SARDH: variants seen among roughly 807,000 people sequenced by gnomAD.
The protein encoded by SARDH is sarcosine dehydrogenase.
In SARDH, 95 loss-of-function variants were observed where a neutral mutation model predicts 109.1. The observed-to-expected ratio is 0.87, with a 90% CI of 0.74 to 1.03. The LOEUF is 1.03. Among genes scored for constraint, SARDH ranks in the 50% least tolerant of loss-of-function variants. SARDH has a pLI of 0.00. For synonymous variants in SARDH, 572 were observed against 534.8 expected, an observed-to-expected ratio of 1.07 and a Z score of -0.96; for missense variants, 1,267 against 1,287.8, an observed-to-expected ratio of 0.98 and a Z score of 0.25.
Position 133,696,377 on chromosome 9 carries a change from C to A in SARDH, c.1669-16G>T. 6.2e-7 allele frequency: 1 copy of A among 1,613,864 alleles called. No individual in the cohort carries two copies. Among genetic ancestry groups the A allele is most frequent in the East Asian group, 2.2e-5 (1 of 44,880 alleles). On this transcript the variant is annotated splice_polypyrimidine_tract_variant and intron_variant, in intron 13 of 20. Coordinates refer to ENST00000439388, the MANE Select transcript of SARDH (RefSeq NM_001134707.2). ...CCTTCTTGATCTGAAAAGTTCCAGA[C>A]AGGTGGGAATGCCACGGGGGCCTTT...
Position 133,712,748 on chromosome 9 carries a change from C to T in SARDH, c.1238-39G>A, listed in dbSNP as rs752990662. On this transcript the variant is annotated intron_variant, in intron 9 of 20. Coordinates refer to ENST00000439388, the MANE Select transcript of SARDH (RefSeq NM_001134707.2). This position sits in a 1 kb window ranked among gnomAD's most constrained non-coding sequence, Gnocchi z 4.1. ...AAGCGCAGGGCTGCGGTCTGCCCCC[C>T]AGGGTCCCCCACCCATGTCCAAACA... 1 of 1,580,566 alleles carries T rather than the reference C, an allele frequency of 6.3e-7. No homozygotes were observed. Among genetic ancestry groups the T allele is most frequent in the Non-Finnish European group, 8.6e-7 (1 of 1,161,486 alleles).
Position 133,712,528 on chromosome 9 carries a change from C to A in SARDH, c.1328+91G>T. 2 of 1,188,630 alleles carry A rather than the reference C, an allele frequency of 1.7e-6. No individual in the cohort carries two copies. The highest frequency in any genetic ancestry group is 2.4e-6 in the Non-Finnish European group (2 of 822,630). 73.6% of individuals were successfully genotyped at this position (1,188,630 alleles called of 1,614,324 possible). A position where few individuals can be genotyped will look rare whatever the true frequency, so the allele number is the denominator to read the frequency against. The stretch of plus-strand genomic sequence containing the variant: ...TCCAGGAAGCCACCTGGATTTCAGG[C>A]AAGGCTCCTTTCTCAGTAGCCCTCG... On this transcript the variant is annotated intron_variant, in intron 10 of 20. Coordinates refer to ENST00000439388, the MANE Select transcript of SARDH (RefSeq NM_001134707.2). This position sits in a 1 kb window ranked among gnomAD's most constrained non-coding sequence, Gnocchi z 4.1.
At chr9:133,708,131 A>T (rs988262206) in intron 11 of SARDH, among the ~76,000 whole-genome samples, 156 bp downstream of exon 11, 3 of 152,058 alleles carry the variant, frequency 2.0e-5, no homozygotes, top group Admixed American at 6.5e-5. Context: ...TGCCCAACAC[A>T]TGGGGGTGCC....
rs1302032076 is a variant in SARDH, at chr9:133,666,278, G to T, written c.2631+457C>A. 6.6e-6 allele frequency among the ~76,000 whole-genome samples: 1 copy of T among 152,154 alleles called. No homozygotes were observed. The highest frequency in any genetic ancestry group is 1.5e-5 in the Non-Finnish European group (1 of 68,010). ...GGCCACCCCTGCACCCCAGGCAAAG[G>T]GTGGGCTGTGGGTGGCCTGAGGTTT... On this transcript the variant is annotated intron_variant, in intron 20 of 20. Transcript: ENST00000439388. The surrounding 1 kb of genome is among the most constrained non-coding windows in gnomAD (Gnocchi z 5.2).
downstream of SARDH, among the ~76,000 whole-genome samples, chr9:133,661,723 C>T (rs1020279450): frequency 6.6e-6 from 1 of 152,116 alleles, no homozygotes; most frequent in African/African-American, 2.4e-5. Context: ...TCAGGTGATC[C>T]GCCCCCCTCG....
At chr9:133,665,326 C>T (rs1830025403) in intron 20 of SARDH, among the ~76,000 whole-genome samples, 1 of 152,236 alleles carries the variant, frequency 6.6e-6, no homozygotes, top group African/African-American at 2.4e-5. Context: ...CCCAGCCCAC[C>T]CTGGCATGGA....
chr9:133,685,643 GTCCACAA>G (rs1441776364), intron 16 of SARDH, among the ~76,000 whole-genome samples: 1 of 152,120 alleles, frequency 6.6e-6, no homozygotes, highest in Non-Finnish European at 1.5e-5. Flanking sequence ...TCTGGACCAG[GTCCACAA>G]TCCACAATCC....
In SARDH at chr9:133,666,592, C is replaced by T; in HGVS notation, c.2631+143G>A. On this transcript the variant is annotated intron_variant, in intron 20 of 20. Transcript: ENST00000439388. This position sits in a 1 kb window ranked among gnomAD's most constrained non-coding sequence, Gnocchi z 5.2. Reference sequence around the variant, plus strand: ...TTCCTCCCCCTCTTCCCTCCTCCCTCCTTTCTCTTCCCTCCTCCTCTTCTG... The same window carrying T: ...TTCCTCCCCCTCTTCCCTCCTCCCTTCTTTCTCTTCCCTCCTCCTCTTCTG... 1 of 1,115,620 alleles carries T rather than the reference C, an allele frequency of 9.0e-7. No individual in the cohort carries two copies. The highest frequency in any genetic ancestry group is 1.3e-6 in the Non-Finnish European group (1 of 798,716). 69.1% of individuals were successfully genotyped at this position (1,115,620 alleles called of 1,614,324 possible).
At chr9:133,688,012 C>T (rs1404945335) in intron 16 of SARDH, among the ~76,000 whole-genome samples, 1 of 152,158 alleles carries the variant, frequency 6.6e-6, no homozygotes, top group Non-Finnish European at 1.5e-5. Context: ...CGGGCCGCAC[C>T]TTGATCGGTC....
At position 133,704,471 on chromosome 9, in the gene SARDH, G is replaced by A. The variant is rs936194987; in HGVS notation, c.1554+477C>T. Among the ~76,000 whole-genome samples, 2 of 152,216 alleles carry A rather than the reference G, an allele frequency of 1.3e-5. No homozygotes were observed. The highest frequency in any genetic ancestry group is 4.8e-5 in the African/African-American group (2 of 41,450). On this transcript the variant is annotated intron_variant, in intron 12 of 20. Coordinates refer to ENST00000439388, the MANE Select transcript of SARDH (RefSeq NM_001134707.2). The surrounding 1 kb of genome is among the most constrained non-coding windows in gnomAD (Gnocchi z 4.5). The stretch of plus-strand genomic sequence containing the variant: ...TCCCCAGAGGACGCCCAGAGTCCAG[G>A]CCACTGTGAAACCTCCACTGGGAAA...
At chr9:133,698,334 A>G (rs1380808007) in intron 13 of SARDH, among the ~76,000 whole-genome samples, 1 of 152,236 alleles carries the variant, frequency 6.6e-6, no homozygotes, top group African/African-American at 2.4e-5. Context: ...TGTTGAAATG[A>G]CAAGATACCC....
chr9:133,735,535 G>A (rs1258593587), intron 1 of SARDH, among the ~76,000 whole-genome samples: 1 of 152,200 alleles, frequency 6.6e-6, no homozygotes. Flanking sequence ...ACCATGTCCT[G>A]GGGACGCAGC....
At chr9:133,685,505 C>T (rs551822717) in intron 16 of SARDH, among the ~76,000 whole-genome samples, 1 of 152,310 alleles carries the variant, frequency 6.6e-6, no homozygotes, top group East Asian at 1.9e-4. Flanking sequence ...CTAGCAGGAC[C>T]CCTGGGGGAG....
chr9:133,703,183 AG>A, intron 12 of SARDH, 154 bp from the exon 13 acceptor site: 2 of 670,362 alleles, frequency 3.0e-6, no homozygotes, highest in Non-Finnish European at 5.2e-6. Flanking sequence ...GGACGCGGGC[AG>A]GGGGCCCCCA....
intron 6 of SARDH, among the ~76,000 whole-genome samples, chr9:133,729,025 T>C (rs1473226615): frequency 1.3e-5 from 1 of 79,144 alleles, no homozygotes; most frequent in Non-Finnish European, 2.5e-5. Flanking sequence ...AGGGAAAGAG[T>C]GGAGGGAGGA....
chr9:133,704,924 C>T lies in SARDH; in HGVS notation c.1554+24G>A. Reference sequence around the variant, plus strand: ...TTGTCAGGGCAGGGCCTCCCAGCAGCACAGCCCAGCAGGCACTACTCACCG... The same window carrying T: ...TTGTCAGGGCAGGGCCTCCCAGCAGTACAGCCCAGCAGGCACTACTCACCG... On this transcript the variant is annotated intron_variant, in intron 12 of 20. Coordinates refer to ENST00000439388, the MANE Select transcript of SARDH (RefSeq NM_001134707.2). The surrounding 1 kb of genome is among the most constrained non-coding windows in gnomAD (Gnocchi z 4.5). The T allele has an allele frequency of 6.4e-7, 1 of 1,558,622 alleles. No homozygotes were observed. Among genetic ancestry groups the T allele is most frequent in the South Asian group, 1.2e-5 (1 of 84,942 alleles).
chr9:133,733,868 G>A lies in SARDH; in HGVS notation c.306C>T (p.Thr102=). Residue 102 remains threonine (T), a synonymous_variant, in exon 2 of 21, where the codon ACC becomes ACT. Transcript: ENST00000439388. ...CTGCCGTGTGCCAGGTGGTCCCGGAGGTCAGCCGCTCCCGCTCCAGCAGCA... is the reference window on the plus strand; with the variant it reads ...CTGCCGTGTGCCAGGTGGTCCCGGAAGTCAGCCGCTCCCGCTCCAGCAGCA... ...GAVLLERERL[T]SGTTWHTAGL... 4.0e-6 allele frequency: 6 copies of A among 1,482,434 alleles called. No homozygotes were observed. The highest frequency in any genetic ancestry group is 5.4e-6 in the Non-Finnish European group (6 of 1,115,812). The allele number at this position is 1,482,434 out of a possible 1,614,324, so 91.8% of individuals were successfully genotyped here.
At position 133,718,404 on chromosome 9, in the gene SARDH, A is replaced by G. The variant is rs1385877744; in HGVS notation, c.1020+534T>C. On this transcript the variant is annotated intron_variant, in intron 7 of 20. Coordinates refer to ENST00000439388, the MANE Select transcript of SARDH (RefSeq NM_001134707.2). This position sits in a 1 kb window ranked among gnomAD's most constrained non-coding sequence, Gnocchi z 4.2. ...TGTTTATTGTATGTCTCTCCACCAAAATATAGGCACCCAGAGTCAGGGACT... is the reference window on the plus strand; with the variant it reads ...TGTTTATTGTATGTCTCTCCACCAAGATATAGGCACCCAGAGTCAGGGACT... 5 of 422,230 alleles carry G rather than the reference A, an allele frequency of 1.2e-5. No individual in the cohort carries two copies. Among genetic ancestry groups the G allele is most frequent in the Non-Finnish European group, 2.1e-5 (5 of 235,620 alleles). The allele number at this position is 422,230 out of a possible 1,614,324, so 26.2% of individuals were successfully genotyped here.
chr9:133,685,291 A>C lies in SARDH; in HGVS notation c.2070-5T>G, dbSNP rs777559327. On this transcript the variant is annotated splice_region_variant and splice_polypyrimidine_tract_variant and intron_variant, in intron 16 of 20. Transcript: ENST00000439388. ...ACCTCCTGCAAAATGGCTCGGCTGC[A>C]GGCAAGAGCAAAGTCGCTCAGTCAG... 1 of 1,612,740 alleles carries C rather than the reference A, an allele frequency of 6.2e-7. No individual in the cohort carries two copies. The highest frequency in any genetic ancestry group is 8.5e-7 in the Non-Finnish European group (1 of 1,179,668).
Sources: allele counts gnomAD v4.1 joint callset (sites outside exome capture counted in the v4.1 genomes callset), GRCh38; gene constraint gnomAD v4.1.1; non-coding constraint Gnocchi (gnomAD v3.1); transcripts MANE v1.5; gene names NCBI Gene and HGNC (gene_info 2026-07-23, HGNC 2026-07-21).